The following ST7L variants were observed in gnomAD, a reference collection of about 807,000 sequenced individuals.
ST7L encodes the protein suppressor of tumorigenicity 7 protein-like.
Under a neutral mutation model 72.5 loss-of-function variants are expected in ST7L, and 57 were observed. The observed-to-expected ratio is 0.79, with a 90% CI of 0.64 to 0.98. The LOEUF is 0.98. ST7L is among the 50% of genes least tolerant of loss of function. The pLI is 0.00. For synonymous variants in ST7L, 221 were observed against 240.9 expected, an observed-to-expected ratio of 0.92 and a Z score of 0.77; for missense variants, 576 against 672.2, an observed-to-expected ratio of 0.86 and a Z score of 1.58.
chr1:112,569,196 T>C (rs1173443970), intron 11 of ST7L, among the ~76,000 whole-genome samples: 6 of 152,310 alleles, frequency 3.9e-5, no homozygotes, highest in African/African-American at 1.4e-4. Flanking sequence ...TTACTTGCGA[T>C]CTACCAGTTC....
chr1:112,525,744 C>A lies in ST7L; in HGVS notation c.*269G>T. 3.0e-6 allele frequency: 1 copy of A among 327,984 alleles called. No homozygotes were observed. Among genetic ancestry groups the A allele is most frequent in the Non-Finnish European group, 5.6e-6 (1 of 179,520 alleles). The allele number at this position is 327,984 out of a possible 1,614,324, so 20.3% of individuals were successfully genotyped here. On this transcript the variant is annotated 3_prime_UTR_variant, in exon 15 of 15. Coordinates refer to ENST00000358039, the MANE Select transcript of ST7L (RefSeq NM_017744.5). Reference sequence around the variant, plus strand: ...GTGACTTGACTTCAACCCCAACAGCCCCTGTAAGTAGCCCTGGCCAAACAG... The same window carrying A: ...GTGACTTGACTTCAACCCCAACAGCACCTGTAAGTAGCCCTGGCCAAACAG...
intron 13 of ST7L, among the ~76,000 whole-genome samples, chr1:112,544,435 C>G (rs1656728184): frequency 6.6e-6 from 1 of 152,168 alleles, no homozygotes; most frequent in South Asian, 2.1e-4. Flanking sequence ...AAAAGCACAT[C>G]AAAATGGAAG....
chr1:112,598,510 G>A (rs181616990), intron 4 of ST7L, among the ~76,000 whole-genome samples: 18 of 151,584 alleles, frequency 1.2e-4, no homozygotes, highest in African/African-American at 4.1e-4. Flanking sequence ...AGCTACTGGG[G>A]AGGCTGAAGC....
chr1:112,538,520 T>C (rs1288689449), intron 14 of ST7L, among the ~76,000 whole-genome samples: 1 of 152,162 alleles, frequency 6.6e-6, no homozygotes, highest in Non-Finnish European at 1.5e-5. Context: ...TTTTTTTGTA[T>C]ATTTGGAAGA....
intron 11 of ST7L, among the ~76,000 whole-genome samples, chr1:112,566,294 C>CTTTTTTTTTTTTTTTTTT (rs33915951): frequency 9.2e-6 from 1 of 108,976 alleles, no homozygotes; most frequent in Non-Finnish European, 1.7e-5. Flanking sequence ...TTTTCTTCTT[C>CTTTTTTTTTTTTTTTTTT]TTCTTTTTTT....
chr1:112,575,657 A>G (rs1009177430), intron 11 of ST7L, among the ~76,000 whole-genome samples: 2 of 152,166 alleles, frequency 1.3e-5, no homozygotes, highest in African/African-American at 4.8e-5. Context: ...AGATTTCATC[A>G]AGCTACTCAG....
At chr1:112,578,276 C>A in intron 10 of ST7L, 69 bp downstream of exon 10, 1 of 1,380,636 alleles carries the variant, frequency 7.2e-7, no homozygotes, top group South Asian at 1.2e-5. Flanking sequence ...TGTTTAAAGT[C>A]AGTAGAGGAC....
At chr1:112,616,019 T>C (rs1257590448) in intron 2 of ST7L, among the ~76,000 whole-genome samples, 3 of 152,082 alleles carry the variant, frequency 2.0e-5, no homozygotes, top group African/African-American at 7.2e-5. Flanking sequence ...TTATAGGTGT[T>C]AGCCACCACG....
intron 11 of ST7L, chr1:112,571,137 T>G (rs1396220386): frequency 8.2e-6 from 3 of 365,176 alleles, no homozygotes; most frequent in Non-Finnish European, 1.6e-5. Context: ...CCCACTGCAC[T>G]CCAGCCTGGA....
intron 13 of ST7L, among the ~76,000 whole-genome samples, chr1:112,546,218 C>A (rs1451338399): frequency 6.7e-6 from 1 of 149,126 alleles, no homozygotes; most frequent in African/African-American, 2.5e-5. Flanking sequence ...ACTCAGGAGG[C>A]AGAGTGGGGA....
intron 14 of ST7L, among the ~76,000 whole-genome samples, chr1:112,538,984 A>G (rs1223736447): frequency 1.3e-5 from 2 of 152,206 alleles, no homozygotes; most frequent in Non-Finnish European, 2.9e-5. Flanking sequence ...GCATTGTTTC[A>G]GGGCTAGAAT....
At chr1:112,575,019 A>C (rs908325012) in intron 11 of ST7L, among the ~76,000 whole-genome samples, 3 of 152,104 alleles carry the variant, frequency 2.0e-5, no homozygotes, top group African/African-American at 7.2e-5. Flanking sequence ...CGGGCGGATC[A>C]CAAGGTCAGG....
In ST7L at chr1:112,572,194, A is replaced by G. The variant is rs972961089; in HGVS notation, c.1245+4792T>C. On this transcript the variant is annotated intron_variant, in intron 11 of 14. Transcript: ENST00000358039. ...CCATGCTATAAACAGATGTGCTGTCATCCAGGCTTTGTTGTTCCATTTATA... is the reference window on the plus strand; with the variant it reads ...CCATGCTATAAACAGATGTGCTGTCGTCCAGGCTTTGTTGTTCCATTTATA... Among the ~76,000 whole-genome samples, 5 of 152,370 alleles carry G rather than the reference A, an allele frequency of 3.3e-5. No individual in the cohort carries two copies. In the East Asian group the frequency reaches 9.6e-4, roughly 29 times the overall value.
intron 14 of ST7L, chr1:112,540,374 T>C: frequency 1.0e-6 from 1 of 985,466 alleles, no homozygotes; most frequent in Non-Finnish European, 1.2e-6. Context: ...CATAGTAAGG[T>C]CATTTCAGTT....
chr1:112,600,870 G>A lies in ST7L; in HGVS notation c.452-22C>T, dbSNP rs748827671. On this transcript the variant is annotated intron_variant, in intron 3 of 14. Coordinates refer to ENST00000358039, the MANE Select transcript of ST7L (RefSeq NM_017744.5). ...CATTCTGAAAAACAAGGGAGAAAAAGGGGGAAAAAGAGACACTTTAAAATC... is the reference window on the plus strand; with the variant it reads ...CATTCTGAAAAACAAGGGAGAAAAAAGGGGAAAAAGAGACACTTTAAAATC... 3 of 1,596,762 alleles carry A rather than the reference G, an allele frequency of 1.9e-6. No homozygotes were observed. The South Asian group carries it at 3.4e-5, about 18-fold the overall frequency.
chr1:112,526,061 C>T lies in ST7L; in HGVS notation c.1680G>A (p.Glu560=), dbSNP rs1363084754. ...CTTCTGACTTCAAATCCTGTGTATTCTCCTCAAAGCCTGAGGATGCCCAGG... is the reference window on the plus strand; with the variant it reads ...CTTCTGACTTCAAATCCTGTGTATTTTCCTCAAAGCCTGAGGATGCCCAGG... ...PQPWASSGFE[E]NTQDLKSEDL... The change falls in exon 15 of 15, where the codon GAG becomes GAA. Residue 560 remains glutamate (E), a synonymous_variant. Transcript: ENST00000358039. 2 of 1,614,194 alleles carry T rather than the reference C, an allele frequency of 1.2e-6. No individual in the cohort carries two copies. Among genetic ancestry groups the T allele is most frequent in the Non-Finnish European group, 1.7e-6 (2 of 1,180,046 alleles).
intron 5 of ST7L, among the ~76,000 whole-genome samples, chr1:112,596,097 C>T (rs947837237): frequency 2.6e-5 from 4 of 152,202 alleles, no homozygotes; most frequent in African/African-American, 9.7e-5. Context: ...ACATACAGTA[C>T]TGATACTGTG....
At chr1:112,556,102 T>A in intron 11 of ST7L, 84 bp from the exon 12 acceptor site, 4 of 1,088,354 alleles carry the variant, frequency 3.7e-6, no homozygotes, top group Non-Finnish European at 3.6e-6. Flanking sequence ...CCCACAAAAA[T>A]GTAGATTCAA....
intron 5 of ST7L, among the ~76,000 whole-genome samples, chr1:112,597,116 G>GA (rs1281231928): frequency 1.3e-5 from 2 of 152,172 alleles, no homozygotes; most frequent in Non-Finnish European, 2.9e-5. Context: ...GTTTGTGGCT[G>GA]AATAAATTAA....
Sources: allele counts gnomAD v4.1 joint callset (sites outside exome capture counted in the v4.1 genomes callset), GRCh38; gene constraint gnomAD v4.1.1; transcripts MANE v1.5; gene names NCBI Gene and HGNC (gene_info 2026-07-23, HGNC 2026-07-21).